Variants in MAPK10 observed in about 807,000 individuals in gnomAD.
MAPK10 encodes the protein JNK3 alpha protein kinase.
In MAPK10, 25 loss-of-function variants were observed where a neutral mutation model predicts 59.3. The ratio of observed to expected loss-of-function variants is 0.42; its 90% CI spans 0.31 to 0.59. MAPK10 has a LOEUF of 0.59. MAPK10 is among the 20% of genes least tolerant of loss of function. The pLI, the probability that MAPK10 is intolerant of heterozygous loss-of-function variation, is 0.15. For synonymous variants in MAPK10, 190 were observed against 200.5 expected, an observed-to-expected ratio of 0.95 and a Z score of 0.44; for missense variants, 351 against 568.9, an observed-to-expected ratio of 0.62 and a Z score of 3.90.
intron 1 of MAPK10, among the ~76,000 whole-genome samples, chr4:86,468,554 G>C (rs965793942): frequency 6.6e-6 from 1 of 152,136 alleles, no homozygotes; most frequent in Non-Finnish European, 1.5e-5. Context: ...GATGATATAA[G>C]TGTGAAAATA....
At chr4:86,234,962 G>T (rs959678783) in intron 2 of MAPK10, among the ~76,000 whole-genome samples, 1 of 152,100 alleles carries the variant, frequency 6.6e-6, no homozygotes, top group Non-Finnish European at 1.5e-5. Context: ...GAAAAGAGAA[G>T]AGTTTTAGAA....
intron 1 of MAPK10, among the ~76,000 whole-genome samples, chr4:86,356,062 C>G (rs1157342721): frequency 2.0e-5 from 3 of 152,118 alleles, no homozygotes; most frequent in Admixed American, 6.6e-5. Flanking sequence ...CACACACACA[C>G]ACACACACAC....
intron 2 of MAPK10, among the ~76,000 whole-genome samples, chr4:86,281,250 A>G (rs2094791105): frequency 6.6e-6 from 1 of 152,128 alleles, no homozygotes; most frequent in African/African-American, 2.4e-5. Flanking sequence ...TAGGCCTGTA[A>G]TCCCAGCACT....
chr4:86,591,946 G>T (rs2149117808), intron 1 of MAPK10, among the ~76,000 whole-genome samples: 1 of 152,004 alleles, frequency 6.6e-6, no homozygotes, highest in African/African-American at 2.4e-5. Context: ...GCTGGCTTTA[G>T]TATAACATAT....
intron 9 of MAPK10, among the ~76,000 whole-genome samples, chr4:86,070,879 T>C (rs1314215713): frequency 6.6e-6 from 1 of 152,120 alleles, no homozygotes; most frequent in Non-Finnish European, 1.5e-5. Flanking sequence ...TATAGCAGCA[T>C]GATTTATAGT....
rs13133600 is a variant in MAPK10 at position 86,477,328 on chromosome 4, C to T, written c.-263+116582G>A. ...AGCACTCCTTTTTAGTTATCCCCAC[C>T]TGCCCAGTTCCCTTATCAGGCCAAG... On this transcript the variant is annotated intron_variant, in intron 1 of 4. Transcript: ENST00000502302. 3.7e-3 allele frequency among the ~76,000 whole-genome samples: 570 copies of T among 152,296 alleles called. 2 individuals are homozygous for T. The highest frequency in any genetic ancestry group is 6.0e-3 in the Non-Finnish European group (411 of 68,028).
chr4:86,372,564 G>GAAAGGAAAAGAAAAGAAAAGAAAAGA lies in MAPK10; in HGVS notation c.-121-17921_-121-17920insTCTTTTCTTTTCTTTTCTTTTCCTTT, dbSNP rs1554253764. Among the ~76,000 whole-genome samples, 88 of 78,712 alleles carry GAAAGGAAAAGAAAAGAAAAGAAAAGA rather than the reference G, an allele frequency of 1.1e-3. 3 individuals carry two copies. The highest frequency in any genetic ancestry group is 3.4e-3 in the African/African-American group (76 of 22,580). 51.6% of individuals were successfully genotyped at this position (78,712 alleles called of 152,430 possible). Reference sequence around the variant, plus strand: ...AGAAAGAAAGAAAGAAAGAAAGAAAGAAAGAAAAGAAAAGAAAAGAAAAGA... The same window carrying GAAAGGAAAAGAAAAGAAAAGAAAAGA: ...AGAAAGAAAGAAAGAAAGAAAGAAAGAAAGGAAAAGAAAAGAAAAGAAAAGAAAAGAAAAGAAAAGAAAAGAAAAGA... On this transcript the variant is annotated intron_variant, in intron 1 of 13. Transcript: ENST00000361569.
At chr4:86,052,779 C>G (rs1039607520) in intron 11 of MAPK10, among the ~76,000 whole-genome samples, 1 of 152,086 alleles carries the variant, frequency 6.6e-6, no homozygotes. Context: ...ACTGCAAACT[C>G]CGCCTCCCAG....
intron 2 of MAPK10, among the ~76,000 whole-genome samples, chr4:86,312,839 T>C (rs1275926721): frequency 1.3e-5 from 2 of 152,090 alleles, no homozygotes; most frequent in African/African-American, 2.4e-5. Flanking sequence ...TATTGGATTG[T>C]CTATGTTCAA....
At chr4:86,262,636 T>A (rs1037006451) in intron 2 of MAPK10, among the ~76,000 whole-genome samples, 1 of 152,210 alleles carries the variant, frequency 6.6e-6, no homozygotes, top group Non-Finnish European at 1.5e-5. Flanking sequence ...TTTTGTTGAA[T>A]AAATTAAGCA....
intron 3 of MAPK10, among the ~76,000 whole-genome samples, chr4:86,167,570 A>C (rs2072235160): frequency 6.6e-6 from 1 of 152,186 alleles, no homozygotes. Context: ...CAACATATGC[A>C]ATCAATAAAT....
chr4:86,351,358 A>ATG (rs998028337), intron 2 of MAPK10, among the ~76,000 whole-genome samples: 9 of 149,290 alleles, frequency 6.0e-5, no homozygotes, highest in Non-Finnish European at 1.2e-4. Flanking sequence ...TAGTCATACA[A>ATG]TGTGTGTGTG....
intron 2 of MAPK10, among the ~76,000 whole-genome samples, chr4:86,289,624 T>G (rs1041331169): frequency 4.7e-5 from 7 of 149,806 alleles, no homozygotes; most frequent in African/African-American, 1.7e-4. Flanking sequence ...TGTTGTTATA[T>G]TCCAAAAATA....
chr4:86,451,434 G>C (rs1750708133), intron 1 of MAPK10, among the ~76,000 whole-genome samples: 1 of 152,104 alleles, frequency 6.6e-6, no homozygotes, highest in African/African-American at 2.4e-5. Flanking sequence ...AAGAATAACG[G>C]CCAATATTTA....
intron 2 of MAPK10, among the ~76,000 whole-genome samples, chr4:86,346,398 A>G (rs565964527): frequency 9.2e-5 from 14 of 152,316 alleles, no homozygotes; most frequent in African/African-American, 3.4e-4. Context: ...GGTAAATGCT[A>G]TGTAAATAGT....
intron 1 of MAPK10, among the ~76,000 whole-genome samples, chr4:86,375,490 G>C (rs921137372): frequency 1.3e-5 from 2 of 152,176 alleles, no homozygotes; most frequent in Admixed American, 6.5e-5. Context: ...GGGTGCCAAG[G>C]CAGGTGGATA....
intron 1 of MAPK10, among the ~76,000 whole-genome samples, chr4:86,447,661 T>C (rs1750200471): frequency 6.6e-6 from 1 of 152,184 alleles, no homozygotes; most frequent in South Asian, 2.1e-4. Context: ...GGTGCTTTTT[T>C]TTTCTTTTTT....
intron 3 of MAPK10, among the ~76,000 whole-genome samples, chr4:86,163,932 T>C (rs2070736689): frequency 6.6e-6 from 1 of 152,120 alleles, no homozygotes; most frequent in African/African-American, 2.4e-5. Context: ...AAGAAAAATG[T>C]CCCACATTAT....
intron 4 of MAPK10, among the ~76,000 whole-genome samples, chr4:86,151,098 C>T (rs1485779587): frequency 1.3e-5 from 2 of 152,100 alleles, no homozygotes; most frequent in Admixed American, 6.5e-5. Flanking sequence ...TAGGTCCCAA[C>T]GGGTGGAGAT....
Sources: allele counts gnomAD v4.1 joint callset (sites outside exome capture counted in the v4.1 genomes callset), GRCh38; gene constraint gnomAD v4.1.1; transcripts MANE v1.5; gene names NCBI Gene and HGNC (gene_info 2026-07-23, HGNC 2026-07-21).